The following HNRNPC variants were observed in gnomAD, a reference collection of about 807,000 sequenced individuals.
The protein encoded by HNRNPC is heterogeneous nuclear ribonucleoprotein C.
Under a neutral mutation model 33.2 loss-of-function variants are expected in HNRNPC, and 3 were observed. The observed-to-expected ratio is 0.09, with a 90% CI of 0.04 to 0.23. The LOEUF is 0.23. Ranked by LOEUF, HNRNPC falls within the 10% of genes least tolerant of loss-of-function variation. The pLI, the probability that HNRNPC is intolerant of heterozygous loss-of-function variation, is 1.00. For missense variants in HNRNPC, 143 were observed against 366.7 expected (o/e 0.39, Z 4.98); for synonymous variants, 121 against 126.7 (o/e 0.96, Z 0.30).
rs533012960 is a variant in HNRNPC at position 21,211,605 on chromosome 14, T to C, written c.638-39A>G. ...GGACAAGTCTGTCTAGGGGCAGTAA[T>C]GTCCACAGGACGTAGACAATCCCCA... On this transcript the variant is annotated intron_variant, in intron 7 of 8. Transcript: ENST00000553300. 8.2e-6 allele frequency: 13 copies of C among 1,580,480 alleles called. No individual in the cohort carries two copies. In the East Asian group the frequency reaches 1.4e-4, roughly 17 times the overall value.
At chr14:21,265,569 G>A (rs1878837996) in intron 1 of HNRNPC, 1 of 152,176 alleles carries the variant, frequency 6.6e-6, no homozygotes, top group African/African-American at 2.4e-5. Context: ...AGCACTCTGG[G>A]AGGCTTGGGG....
intron 7 of HNRNPC, 113 bp from the exon 8 acceptor site, chr14:21,211,679 A>C: frequency 7.2e-7 from 1 of 1,396,860 alleles, no homozygotes; most frequent in Non-Finnish European, 9.9e-7. Context: ...CCACACAAAT[A>C]CCCTTCCCAA....
chr14:21,256,621 T>C (rs1299424907), intron 2 of HNRNPC, among the ~76,000 whole-genome samples: 4 of 151,870 alleles, frequency 2.6e-5, no homozygotes, highest in Non-Finnish European at 5.9e-5. Context: ...GTATGAGTAG[T>C]GGTATATTTT....
chr14:21,231,258 A>G, intron 3 of HNRNPC, 186 bp from the exon 4 acceptor site: 1 of 682,436 alleles, frequency 1.5e-6, no homozygotes, highest in South Asian at 1.5e-5. Flanking sequence ...CTCAGCCTCG[A>G]GAGTAACTGT....
At chr14:21,221,064 G>T (rs990253833) in intron 5 of HNRNPC, among the ~76,000 whole-genome samples, 9 of 152,152 alleles carry the variant, frequency 5.9e-5, no homozygotes, top group African/African-American at 2.2e-4. Flanking sequence ...TCCTGCCTCA[G>T]CAATAGAGCA....
rs551450957 is a variant in HNRNPC, at chr14:21,218,620, T to A, written c.366-5503A>T. 4.0e-5 allele frequency among the ~76,000 whole-genome samples: 5 copies of A among 126,478 alleles called. No homozygotes were observed. In the East Asian group the frequency reaches 1.2e-3, roughly 31 times the overall value. 83.0% of individuals were successfully genotyped at this position (126,478 alleles called of 152,430 possible). A position where few individuals can be genotyped will look rare whatever the true frequency, so the allele number is the denominator to read the frequency against. ...CTGCTTGAACCTGGGAAGCAGAGGT[T>A]ACAGTAAGCCAAGATCGCACCACTG... On this transcript the variant is annotated intron_variant, in intron 5 of 8. Transcript: ENST00000553300.
intron 1 of HNRNPC, among the ~76,000 whole-genome samples, chr14:21,267,546 G>A (rs565376593): frequency 1.4e-5 from 2 of 146,694 alleles, no homozygotes; most frequent in Admixed American, 7.2e-5. Flanking sequence ...CTAGCATGAG[G>A]GGGAAAAAAA....
chr14:21,222,083 A>G (rs933062701), intron 5 of HNRNPC, among the ~76,000 whole-genome samples: 1 of 151,792 alleles, frequency 6.6e-6, no homozygotes, highest in Non-Finnish European at 1.5e-5. Context: ...AAACACATGA[A>G]AAGACATTCA....
chr14:21,249,420 CA>C (rs11360295), intron 2 of HNRNPC, among the ~76,000 whole-genome samples: 25,865 of 110,092 alleles, frequency 0.23, 2,709 homozygotes, highest in African/African-American at 0.35. Context: ...ACTAAAAATA[CA>C]AAAAAAAAAA....
At chr14:21,211,669 C>A in intron 7 of HNRNPC, 103 bp from the exon 8 acceptor site, 1 of 1,450,536 alleles carries the variant, frequency 6.9e-7, no homozygotes, top group South Asian at 1.3e-5. Context: ...CTAAATCCTC[C>A]CACACAAATA....
chr14:21,248,214 T>C (rs971683453), intron 2 of HNRNPC, among the ~76,000 whole-genome samples: 3 of 152,166 alleles, frequency 2.0e-5, no homozygotes, highest in African/African-American at 7.2e-5. Flanking sequence ...CAGGTAACTT[T>C]GTTGTACTTT....
chr14:21,231,257 G>T, intron 3 of HNRNPC, 185 bp from the exon 4 acceptor site: 1 of 680,798 alleles, frequency 1.5e-6, no homozygotes, highest in East Asian at 2.9e-5. Context: ...CCTCAGCCTC[G>T]AGAGTAACTG....
intron 4 of HNRNPC, chr14:21,230,691 G>A: frequency 2.1e-6 from 1 of 477,950 alleles, no homozygotes; most frequent in South Asian, 3.8e-5. Context: ...TAGTGTCTTA[G>A]AAGCTCAACG....
chr14:21,258,720 C>T (rs1877658678), intron 2 of HNRNPC, among the ~76,000 whole-genome samples: 1 of 152,120 alleles, frequency 6.6e-6, no homozygotes. Flanking sequence ...ATTATATGAC[C>T]CAACAAGGTA....
intron 4 of HNRNPC, 25 bp downstream of exon 4, chr14:21,230,972 C>T (rs751744618): frequency 4.3e-6 from 7 of 1,613,698 alleles, no homozygotes; most frequent in Admixed American, 1.7e-5. Flanking sequence ...GTAGAGGGGA[C>T]GGAGAAGGGT....
chr14:21,244,822 TAAG>T (rs1299255434), intron 2 of HNRNPC, among the ~76,000 whole-genome samples: 1 of 152,072 alleles, frequency 6.6e-6, no homozygotes. Context: ...CTGAACACTA[TAAG>T]AAGTTCTAAC....
At chr14:21,247,293 T>G (rs1000474312) in intron 2 of HNRNPC, among the ~76,000 whole-genome samples, 2 of 152,330 alleles carry the variant, frequency 1.3e-5, no homozygotes, top group East Asian at 3.9e-4. Context: ...TTAAGAAAAT[T>G]TCAGCCTTTG....
rs1243196473 is a variant in HNRNPC at position 21,269,288 on chromosome 14, C to T, written c.-63+10G>A. Reference sequence around the variant, plus strand: ...CCAGCGCCTTCCCTGCGTCCGCCCTCTCCACTTACCAAGAAGGGGAGGGAG... The same window carrying T: ...CCAGCGCCTTCCCTGCGTCCGCCCTTTCCACTTACCAAGAAGGGGAGGGAG... On this transcript the variant is annotated intron_variant, in intron 1 of 8. Coordinates refer to ENST00000553300, the MANE Select transcript of HNRNPC (RefSeq NM_004500.4). The T allele has an allele frequency of 6.6e-6, 1 of 152,606 alleles. No homozygotes were observed. Among genetic ancestry groups the T allele is most frequent in the East Asian group, 1.9e-4 (1 of 5,190 alleles). 9.5% of individuals were successfully genotyped at this position (152,606 alleles called of 1,614,324 possible).
At chr14:21,268,648 A>G (rs1011685174) in intron 1 of HNRNPC, 4 of 152,214 alleles carry the variant, frequency 2.6e-5, no homozygotes, top group Admixed American at 6.5e-5. Context: ...ACTAACTTAT[A>G]TATTTCAAGT....
Sources: allele counts gnomAD v4.1 joint callset (sites outside exome capture counted in the v4.1 genomes callset), GRCh38; gene constraint gnomAD v4.1.1; transcripts MANE v1.5; gene names NCBI Gene and HGNC (gene_info 2026-07-23, HGNC 2026-07-21).